Variants in MGAT4C observed in about 807,000 individuals in gnomAD.
MGAT4C encodes the protein MGAT4 family member C.
MGAT4C carries 19 observed loss-of-function variants against 40.1 expected under a neutral mutation model. The observed-to-expected ratio is 0.47, with a 90% CI of 0.33 to 0.70. MGAT4C has a LOEUF of 0.70. Ranked by LOEUF, MGAT4C falls within the 30% of genes least tolerant of loss-of-function variation. The pLI is 0.02. For missense variants in MGAT4C, 491 were observed against 563.2 expected, an observed-to-expected ratio of 0.87 and a Z score of 1.30; for synonymous variants, 181 against 187.1, an observed-to-expected ratio of 0.97 and a Z score of 0.27.
chr12:86,504,117 G>A (rs1409952382), intron 2 of MGAT4C, among the ~76,000 whole-genome samples: 1 of 151,938 alleles, frequency 6.6e-6, no homozygotes, highest in African/African-American at 2.4e-5. Flanking sequence ...CTACCTTCAT[G>A]AAGAGATGCC....
intron 2 of MGAT4C, among the ~76,000 whole-genome samples, chr12:86,585,775 CT>C (rs1202391867): frequency 6.9e-6 from 1 of 144,160 alleles, no homozygotes; most frequent in African/African-American, 2.6e-5. Flanking sequence ...CATTCCCCCA[CT>C]TTATTGAAAC....
chr12:86,771,182 A>T lies in MGAT4C; in HGVS notation c.-261-43941T>A, dbSNP rs575102638. Among the ~76,000 whole-genome samples, 6 of 152,206 alleles carry T rather than the reference A, an allele frequency of 3.9e-5. No individual in the cohort carries two copies. The South Asian group carries it at 1.0e-3, about 26-fold the overall frequency. ...CCTTTCCTCATGGGCCTCTGAATAA[A>T]CCATCCCTGTCACCACCATGATCTC... On this transcript the variant is annotated intron_variant, in intron 1 of 7. Coordinates refer to the MGAT4C transcript ENST00000548651.
chr12:86,603,761 ATAG>A (rs1440376599), intron 2 of MGAT4C, among the ~76,000 whole-genome samples: 1 of 122,810 alleles, frequency 8.1e-6, no homozygotes, highest in Non-Finnish European at 1.6e-5. Flanking sequence ...TATATAATAT[ATAG>A]TATAATTATA....
chr12:86,546,774 TA>T (rs936567434), intron 2 of MGAT4C, among the ~76,000 whole-genome samples: 1 of 152,036 alleles, frequency 6.6e-6, no homozygotes, highest in African/African-American at 2.4e-5. Flanking sequence ...TGAAATGTCA[TA>T]AAACCCTTCT....
chr12:86,772,237 T>C (rs1951652574), intron 1 of MGAT4C, among the ~76,000 whole-genome samples: 1 of 152,200 alleles, frequency 6.6e-6, no homozygotes, highest in South Asian at 2.1e-4. Context: ...TCCTGGACTG[T>C]CCTCATGTTT....
chr12:86,698,678 T>TG lies in MGAT4C; in HGVS notation c.-229+28530dup, dbSNP rs202031103. ...GTCATAAGTATGTACAGCTGAGCTG[T>TG]GGGGGGGGTGGGTATTCTGTTGATT... On this transcript the variant is annotated intron_variant, in intron 2 of 7. Coordinates refer to the MGAT4C transcript ENST00000548651. 4.9e-3 allele frequency among the ~76,000 whole-genome samples: 745 copies of TG among 150,834 alleles called. 4 individuals are homozygous for TG. Among genetic ancestry groups the TG allele is most frequent in the Admixed American group, 0.019 (283 of 15,114 alleles).
chr12:86,566,525 CATATACATAT>C (rs796854814), intron 2 of MGAT4C, among the ~76,000 whole-genome samples: 3,594 of 70,488 alleles, frequency 0.051, 93 homozygotes, highest in Middle Eastern at 0.071. Flanking sequence ...TTAGTAAACT[CATATACATAT>C]ATATATATAT....
At chr12:86,661,147 G>A (rs1394698943) in intron 2 of MGAT4C, among the ~76,000 whole-genome samples, 1 of 151,876 alleles carries the variant, frequency 6.6e-6, no homozygotes, top group East Asian at 1.9e-4. Flanking sequence ...TACCATCACT[G>A]TAGTCACAGT....
intron 1 of MGAT4C, among the ~76,000 whole-genome samples, chr12:86,742,735 A>G (rs777407252): frequency 6.6e-6 from 1 of 151,516 alleles, no homozygotes; most frequent in Non-Finnish European, 1.5e-5. Flanking sequence ...GTAAATTAGT[A>G]TATATTCAGA....
intron 1 of MGAT4C, among the ~76,000 whole-genome samples, chr12:86,803,194 A>G (rs371844737): frequency 1.1e-4 from 16 of 150,404 alleles, no homozygotes; most frequent in South Asian, 4.2e-4. Context: ...AATGGTGCTG[A>G]GAAAACTGGC....
Position 86,301,822 on chromosome 12 carries a change from C to T in MGAT4C, c.-57+32243G>A, listed in dbSNP as rs796303042. ...AATCAAGATTCATCCTAAATTGCTA[C>T]GTGCACTGATGCAATTTTGCAGACA... On this transcript the variant is annotated intron_variant, in intron 4 of 7. Coordinates refer to the MGAT4C transcript ENST00000548651. Among the ~76,000 whole-genome samples the T allele has an allele frequency of 1.1e-4, 16 of 152,278 alleles. 1 individual carries two copies. Among genetic ancestry groups the T allele is most frequent in the African/African-American group, 2.9e-4 (12 of 41,562 alleles).
At chr12:86,624,754 A>G (rs1962747593) in intron 2 of MGAT4C, among the ~76,000 whole-genome samples, 1 of 152,126 alleles carries the variant, frequency 6.6e-6, no homozygotes, top group Non-Finnish European at 1.5e-5. Context: ...ATCATAAGAA[A>G]AGCACAGACA....
rs1030931207 is a variant in MGAT4C at position 86,400,301 on chromosome 12, C to T, written c.-120+34856G>A. Among the ~76,000 whole-genome samples the T allele has an allele frequency of 2.0e-5, 3 of 152,152 alleles. No individual in the cohort carries two copies. The South Asian group carries it at 6.2e-4, about 32-fold the overall frequency. On this transcript the variant is annotated intron_variant, in intron 3 of 7. Transcript: ENST00000548651. ...GCATGAATAGCCTTCCAGTTGTCCC[C>T]AATAATTACTTTTCTTTTTATTTCT...
At chr12:86,204,010 C>G (rs1950158408) in intron 1 of MGAT4C, among the ~76,000 whole-genome samples, 1 of 141,396 alleles carries the variant, frequency 7.1e-6, no homozygotes, top group South Asian at 2.2e-4. Context: ...TAGCTAACTT[C>G]TAGAGTAAAC....
intron 2 of MGAT4C, among the ~76,000 whole-genome samples, chr12:86,027,248 A>T (rs1890324623): frequency 6.6e-6 from 1 of 151,956 alleles, no homozygotes; most frequent in African/African-American, 2.4e-5. Context: ...CTCTTCTGAT[A>T]ACTAAACTTT....
intron 2 of MGAT4C, among the ~76,000 whole-genome samples, chr12:86,620,741 G>A (rs1159780456): frequency 6.6e-6 from 1 of 152,122 alleles, no homozygotes; most frequent in African/African-American, 2.4e-5. Flanking sequence ...TGTTGAAGGA[G>A]GAGTCTTGTG....
chr12:86,643,802 A>G (rs910567660), intron 2 of MGAT4C, among the ~76,000 whole-genome samples: 2 of 151,964 alleles, frequency 1.3e-5, no homozygotes, highest in South Asian at 2.1e-4. Flanking sequence ...ACTAAATTGT[A>G]TACTTTAAAA....
At chr12:86,164,169 A>T (rs1182208402) in intron 1 of MGAT4C, among the ~76,000 whole-genome samples, 5 of 152,310 alleles carry the variant, frequency 3.3e-5, no homozygotes, top group African/African-American at 1.2e-4. Flanking sequence ...GTGTGAAATA[A>T]GTTTTAAAGG....
intron 4 of MGAT4C, among the ~76,000 whole-genome samples, chr12:86,319,167 A>T (rs1039478101): frequency 6.6e-6 from 1 of 152,210 alleles, no homozygotes; most frequent in African/African-American, 2.4e-5. Context: ...TCTATGAAGG[A>T]AGAACTTATT....
Sources: allele counts gnomAD v4.1 joint callset (sites outside exome capture counted in the v4.1 genomes callset), GRCh38; gene constraint gnomAD v4.1.1; transcripts MANE v1.5; gene names NCBI Gene and HGNC (gene_info 2026-07-23, HGNC 2026-07-21).